The following B3GNT2 variants were observed in gnomAD, a reference collection of about 807,000 sequenced individuals.
B3GNT2 encodes the protein UDP-GlcNAc:betaGal beta-1,3-N-acetylglucosaminyltransferase 2.
A neutral mutation model predicts 27.6 loss-of-function variants in B3GNT2; 12 were observed. The observed-to-expected ratio is 0.44, with a 90% CI of 0.28 to 0.71. B3GNT2 has a LOEUF of 0.71. Ranked by LOEUF, B3GNT2 falls within the 30% of genes least tolerant of loss-of-function variation. The probability of loss-of-function intolerance (pLI) is 0.17; values close to 1 mark genes in which losing one functional copy is unlikely to be tolerated. For synonymous variants in B3GNT2, 192 were observed against 189.7 expected (o/e 1.01, Z -0.10); for missense variants, 413 against 488.5 (o/e 0.85, Z 1.46).
intron 1 of B3GNT2, among the ~76,000 whole-genome samples, chr2:62,206,415 C>G (rs922889505): frequency 6.6e-6 from 1 of 152,204 alleles, no homozygotes; most frequent in African/African-American, 2.4e-5. Context: ...GGCATATGGA[C>G]AAGCCCTCAC....
chr2:62,211,729 G>C (rs1339356544), intron 1 of B3GNT2, among the ~76,000 whole-genome samples: 1 of 152,118 alleles, frequency 6.6e-6, no homozygotes, highest in African/African-American at 2.4e-5. Flanking sequence ...CCCTTCTAGT[G>C]TGGCCTCAGA....
intron 1 of B3GNT2, among the ~76,000 whole-genome samples, chr2:62,207,960 G>T (rs1011667516): frequency 6.6e-6 from 1 of 152,168 alleles, no homozygotes; most frequent in African/African-American, 2.4e-5. Flanking sequence ...CTGCTTCTCT[G>T]TGTGTGGCCA....
chr2:62,216,542 A>T (rs1573268813), intron 1 of B3GNT2, among the ~76,000 whole-genome samples: 1 of 151,766 alleles, frequency 6.6e-6, no homozygotes, highest in Non-Finnish European at 1.5e-5. Context: ...AGTGGCTGGG[A>T]CCACAGGTGC....
intron 1 of B3GNT2, among the ~76,000 whole-genome samples, chr2:62,216,378 G>A (rs1329711102): frequency 6.6e-6 from 1 of 151,892 alleles, no homozygotes; most frequent in African/African-American, 2.4e-5. Context: ...CCTGGGGGAG[G>A]AGGGATCATA....
intron 1 of B3GNT2, among the ~76,000 whole-genome samples, chr2:62,205,297 G>A (rs1426861469): frequency 6.6e-6 from 1 of 152,230 alleles, no homozygotes; most frequent in Non-Finnish European, 1.5e-5. Flanking sequence ...TTCTTGGCGG[G>A]TGGCCGGAGA....
At chr2:62,220,659 G>T (rs558193339) in intron 1 of B3GNT2, among the ~76,000 whole-genome samples, 1 of 152,152 alleles carries the variant, frequency 6.6e-6, no homozygotes, top group Non-Finnish European at 1.5e-5. Context: ...ATTCCAGTCT[G>T]CCCTTCTTTA....
At chr2:62,210,051 T>TGC (rs955624909) in intron 1 of B3GNT2, among the ~76,000 whole-genome samples, 11 of 152,202 alleles carry the variant, frequency 7.2e-5, no homozygotes, top group African/African-American at 2.2e-4. Context: ...ATTATTACTT[T>TGC]CTCATATCAA....
intron 1 of B3GNT2, among the ~76,000 whole-genome samples, chr2:62,213,482 G>A (rs947865697): frequency 6.6e-6 from 1 of 152,104 alleles, no homozygotes. Context: ...GGTGCAGGAG[G>A]GATAATGGGT....
At position 62,223,645 on chromosome 2, in the gene B3GNT2, G is replaced by A. The variant is rs910743287; in HGVS notation, c.*231G>A. ...CAGGATGATTGGTTCTGATCTTACCGGCTAGTGGTCATTTTTAAAAAACTT... is the reference window on the plus strand; with the variant it reads ...CAGGATGATTGGTTCTGATCTTACCAGCTAGTGGTCATTTTTAAAAAACTT... On this transcript the variant is annotated 3_prime_UTR_variant, in exon 2 of 2. Transcript: ENST00000301998. 1.7e-5 allele frequency: 7 copies of A among 410,008 alleles called. No homozygotes were observed. Among genetic ancestry groups the A allele is most frequent in the African/African-American group, 8.3e-5 (4 of 48,332 alleles). 25.4% of individuals were successfully genotyped at this position (410,008 alleles called of 1,614,324 possible).
chr2:62,197,795 A>T (rs1397713001), intron 1 of B3GNT2, among the ~76,000 whole-genome samples: 2 of 152,288 alleles, frequency 1.3e-5, no homozygotes, highest in Admixed American at 6.5e-5. Context: ...TTATAGTCGC[A>T]CCCATGCGGA....
chr2:62,211,218 T>G (rs1279865289), intron 1 of B3GNT2, among the ~76,000 whole-genome samples: 1 of 152,048 alleles, frequency 6.6e-6, no homozygotes, highest in Non-Finnish European at 1.5e-5. Context: ...TAGCCAGGTG[T>G]GGTGACATGC....
At chr2:62,197,915 A>G (rs1674186241) in intron 1 of B3GNT2, among the ~76,000 whole-genome samples, 1 of 152,232 alleles carries the variant, frequency 6.6e-6, no homozygotes, top group South Asian at 2.1e-4. Context: ...TTAAGCCTGG[A>G]GGAATTTGGG....
intron 1 of B3GNT2, among the ~76,000 whole-genome samples, chr2:62,214,844 A>G (rs1260310881): frequency 2.0e-5 from 3 of 152,114 alleles, no homozygotes; most frequent in Admixed American, 6.5e-5. Context: ...CAGTCTGAAA[A>G]TGGATCTGGG....
In B3GNT2 at chr2:62,222,771, A is replaced by G; in HGVS notation, c.551A>G (p.Gln184Arg). 1.9e-6 allele frequency: 3 copies of G among 1,614,238 alleles called. No homozygotes were observed. Among genetic ancestry groups the G allele is most frequent in the Non-Finnish European group, 2.5e-6 (3 of 1,180,040 alleles). The change falls in exon 2 of 2, where the codon CAG (glutamine) becomes CGG (arginine). Residue 184 changes from glutamine (Q) to arginine (R), a missense_variant. Transcript: ENST00000301998. The surrounding 1 kb of genome is among the most constrained non-coding windows in gnomAD (Gnocchi z 4.2). ...QTVVRVFLLG[Q>R]TPPEDNHPDL... ...GTGGTGCGAGTCTTCCTGCTGGGCC[A>G]GACACCCCCAGAGGACAACCACCCC...
intron 1 of B3GNT2, among the ~76,000 whole-genome samples, chr2:62,198,245 C>G (rs796638933): frequency 7.2e-5 from 11 of 152,356 alleles, no homozygotes; most frequent in African/African-American, 2.6e-4. Context: ...GATTCTGCCA[C>G]ATTTAATTCA....
At chr2:62,208,854 G>A (rs1674428715) in intron 1 of B3GNT2, among the ~76,000 whole-genome samples, 1 of 152,150 alleles carries the variant, frequency 6.6e-6, no homozygotes, top group African/African-American at 2.4e-5. Context: ...AGTCCTTGGT[G>A]TGTCAGACCT....
rs982635033 is a variant in B3GNT2, at chr2:62,224,045, G to T, written c.*631G>T. 2 of 167,068 alleles carry T rather than the reference G, an allele frequency of 1.2e-5. No individual in the cohort carries two copies. Among genetic ancestry groups the T allele is most frequent in the African/African-American group, 2.4e-5 (1 of 41,454 alleles). The allele number at this position is 167,068 out of a possible 1,614,324, so 10.3% of individuals were successfully genotyped here. On this transcript the variant is annotated 3_prime_UTR_variant, in exon 2 of 2. Transcript: ENST00000301998. Reference sequence around the variant, plus strand: ...CTCATCTAATTTATCTTGTTGTGATGTTATGGTCATAATAAGGAGAAAGAG... The same window carrying T: ...CTCATCTAATTTATCTTGTTGTGATTTTATGGTCATAATAAGGAGAAAGAG...
intron 1 of B3GNT2, among the ~76,000 whole-genome samples, chr2:62,204,856 T>C (rs1674341109): frequency 6.6e-6 from 1 of 152,252 alleles, no homozygotes; most frequent in South Asian, 2.1e-4. Flanking sequence ...ATACAGAGAA[T>C]GGTATCATGA....
intron 1 of B3GNT2, among the ~76,000 whole-genome samples, chr2:62,208,645 G>T (rs1021304823): frequency 9.9e-5 from 15 of 152,042 alleles, no homozygotes; most frequent in Non-Finnish European, 5.9e-5. Context: ...TGGGGAGGGG[G>T]GTGTGTGTGA....
Sources: gnomAD v4.1 joint callset for allele counts (sites outside exome capture counted in the v4.1 genomes callset) on GRCh38, gnomAD v4.1.1 for gene constraint, Gnocchi (gnomAD v3.1) non-coding constraint, MANE v1.5 for transcripts, NCBI Gene and HGNC (gene_info 2026-07-23, HGNC 2026-07-21) for gene names.